Variants in PPP3CA observed in about 807,000 individuals in gnomAD.
PPP3CA encodes the protein protein phosphatase 3 catalytic subunit alpha, also known as CAM-PRP catalytic subunit.
Under a neutral mutation model 66.5 loss-of-function variants are expected in PPP3CA, and 14 were observed. The ratio of observed to expected loss-of-function variants is 0.21; its 90% CI spans 0.14 to 0.33. The LOEUF (loss-of-function observed/expected upper bound fraction) is 0.33. Among genes scored for constraint, PPP3CA ranks in the 10% least tolerant of loss-of-function variants. The pLI is 1.00. For synonymous variants in PPP3CA, 232 were observed against 226.2 expected (o/e 1.03, Z -0.23); for missense variants, 317 against 639.5 (o/e 0.50, Z 5.44).
intron 1 of PPP3CA, among the ~76,000 whole-genome samples, chr4:101,327,343 T>C (rs1267332195): frequency 6.6e-6 from 1 of 152,140 alleles, no homozygotes; most frequent in Non-Finnish European, 1.5e-5. Flanking sequence ...CTACTACAAA[T>C]ATGTTAACCT....
chr4:101,104,033 CTG>C (rs1730553952), intron 3 of PPP3CA, among the ~76,000 whole-genome samples: 1 of 152,128 alleles, frequency 6.6e-6, no homozygotes, highest in Admixed American at 6.5e-5. Flanking sequence ...AAGGAGAAGA[CTG>C]GGGTGGGGGT....
chr4:101,213,419 T>G (rs1578559758), intron 1 of PPP3CA, among the ~76,000 whole-genome samples: 1 of 152,290 alleles, frequency 6.6e-6, no homozygotes, highest in African/African-American at 2.4e-5. Context: ...TGGTATTAGG[T>G]ATCTTCAAAC....
chr4:101,143,819 C>A (rs191659079), intron 2 of PPP3CA, among the ~76,000 whole-genome samples: 1 of 152,314 alleles, frequency 6.6e-6, no homozygotes, highest in African/African-American at 2.4e-5. Context: ...TTACAAACAG[C>A]TGTTACAACT....
intron 1 of PPP3CA, among the ~76,000 whole-genome samples, chr4:101,333,759 T>C (rs1729530425): frequency 6.6e-6 from 1 of 152,202 alleles, no homozygotes; most frequent in African/African-American, 2.4e-5. Flanking sequence ...ATTGATTACA[T>C]TTACTTTTGC....
chr4:101,269,946 T>A lies in PPP3CA; in HGVS notation c.59-73830A>T, dbSNP rs574515217. ...ATGTTGGTTAACCCATGGTAACCTC[T>A]GTGGCATACAGCTGGCTGCTGAGGA... On this transcript the variant is annotated intron_variant, in intron 1 of 13. Coordinates refer to ENST00000394854, the MANE Select transcript of PPP3CA (RefSeq NM_000944.5). Among the ~76,000 whole-genome samples the A allele has an allele frequency of 6.6e-5, 10 of 152,298 alleles. No individual in the cohort carries two copies. The South Asian group carries it at 1.7e-3, about 25-fold the overall frequency.
chr4:101,283,899 G>A (rs1016641276), intron 1 of PPP3CA, among the ~76,000 whole-genome samples: 5 of 152,088 alleles, frequency 3.3e-5, no homozygotes, highest in South Asian at 2.1e-4. Context: ...CAAGACCGAC[G>A]TTTCGGTTAC....
At chr4:101,152,815 T>C (rs111298207) in intron 2 of PPP3CA, among the ~76,000 whole-genome samples, 8 of 152,078 alleles carry the variant, frequency 5.3e-5, no homozygotes, top group African/African-American at 1.4e-4. Flanking sequence ...ACAGATAACA[T>C]AGGCCACTGA....
intron 1 of PPP3CA, among the ~76,000 whole-genome samples, chr4:101,322,536 AAGTAGCTGG>A (rs1729073564): frequency 6.6e-6 from 1 of 150,858 alleles, no homozygotes; most frequent in African/African-American, 2.4e-5. Context: ...TCAGCCTCCC[AAGTAGCTGG>A]GATTACAGAT....
chr4:101,054,000 T>C (rs1394057861), intron 10 of PPP3CA, among the ~76,000 whole-genome samples: 1 of 152,120 alleles, frequency 6.6e-6, no homozygotes, highest in African/African-American at 2.4e-5. Flanking sequence ...TCTCAAATAC[T>C]GTTTTTATTA....
intron 9 of PPP3CA, among the ~76,000 whole-genome samples, 165 bp from the exon 10 acceptor site, chr4:101,061,326 T>C (rs1162380561): frequency 6.6e-6 from 1 of 152,266 alleles, no homozygotes; most frequent in African/African-American, 2.4e-5. Flanking sequence ...GCCTTTGTGA[T>C]TCTATGCAGA....
chr4:101,311,342 T>C (rs1212149765), intron 1 of PPP3CA, among the ~76,000 whole-genome samples: 2 of 152,224 alleles, frequency 1.3e-5, no homozygotes, highest in East Asian at 1.9e-4. Flanking sequence ...ATCAGCTTGA[T>C]AGTATTATCC....
intron 1 of PPP3CA, among the ~76,000 whole-genome samples, chr4:101,343,559 G>A (rs896559886): frequency 6.7e-6 from 1 of 150,062 alleles, no homozygotes; most frequent in African/African-American, 2.4e-5. Context: ...TTCCAGCAAA[G>A]GTCATTACCA....
At chr4:101,234,394 TG>T (rs1254261474) in intron 1 of PPP3CA, among the ~76,000 whole-genome samples, 1 of 151,848 alleles carries the variant, frequency 6.6e-6, no homozygotes, top group African/African-American at 2.4e-5. Context: ...CACCAGCATC[TG>T]TCATCTTTTG....
At position 101,173,024 on chromosome 4, in the gene PPP3CA, G is replaced by A. The variant is rs556559576; in HGVS notation, c.259+22892C>T. ...GATTTATGATAACCCACATGTACAC[G>A]GAGCTCCACAAGCCAACTTCCCTCC... On this transcript the variant is annotated intron_variant, in intron 2 of 13. Coordinates refer to ENST00000394854, the MANE Select transcript of PPP3CA (RefSeq NM_000944.5). Among the ~76,000 whole-genome samples, 304 of 152,136 alleles carry A rather than the reference G, an allele frequency of 2.0e-3. 2 individuals carry two copies. The highest frequency in any genetic ancestry group is 7.1e-3 in the African/African-American group (294 of 41,494).
intron 8 of PPP3CA, among the ~76,000 whole-genome samples, chr4:101,073,792 C>G (rs1173552551): frequency 6.6e-6 from 1 of 152,036 alleles, no homozygotes; most frequent in Non-Finnish European, 1.5e-5. Context: ...GGGGGGATGT[C>G]TTATTGTTTT....
At chr4:101,154,808 ATTTTTTTTTTT>A (rs779695561) in intron 2 of PPP3CA, among the ~76,000 whole-genome samples, 1 of 90,614 alleles carries the variant, frequency 1.1e-5, no homozygotes, top group Non-Finnish European at 2.0e-5. Flanking sequence ...CACTCCCAGA[ATTTTTTTTTTT>A]TTTTTTTTTT....
At chr4:101,076,111 A>T (rs1161474540) in intron 8 of PPP3CA, among the ~76,000 whole-genome samples, 1 of 152,148 alleles carries the variant, frequency 6.6e-6, no homozygotes, top group African/African-American at 2.4e-5. Context: ...AGTAATTAGG[A>T]AATAGGTTTT....
At chr4:101,130,925 C>A (rs1378571332) in intron 2 of PPP3CA, among the ~76,000 whole-genome samples, 1 of 152,092 alleles carries the variant, frequency 6.6e-6, no homozygotes, top group African/African-American at 2.4e-5. Flanking sequence ...CTAAATGCCC[C>A]AATTAAAAGG....
chr4:101,214,277 C>CA, intron 1 of PPP3CA, among the ~76,000 whole-genome samples: 1 of 145,984 alleles, frequency 6.9e-6, no homozygotes. Flanking sequence ...TTTAATCCTA[C>CA]TATGCCTGAG....
Sources: allele counts gnomAD v4.1 joint callset (sites outside exome capture counted in the v4.1 genomes callset), GRCh38; gene constraint gnomAD v4.1.1; transcripts MANE v1.5; gene names NCBI Gene and HGNC (gene_info 2026-07-23, HGNC 2026-07-21).